Variants in ASXL1 observed in about 807,000 individuals in gnomAD.
ASXL1 encodes polycomb group protein ASXL1.
ASXL1 carries 65 observed loss-of-function variants against 89.1 expected under a neutral mutation model. That is an observed-to-expected ratio of 0.73 (90% CI 0.60 to 0.90). ASXL1 has a LOEUF of 0.90. Ranked by LOEUF, ASXL1 falls within the 40% of genes least tolerant of loss-of-function variation. The pLI, the probability that ASXL1 is intolerant of heterozygous loss-of-function variation, is 0.00. For missense variants in ASXL1, 1,786 were observed against 1,942.9 expected, an observed-to-expected ratio of 0.92 and a Z score of 1.52; for synonymous variants, 739 against 746.9, an observed-to-expected ratio of 0.99 and a Z score of 0.17.
Position 32,434,468 on chromosome 20 carries a change from A to G in ASXL1, c.1756A>G (p.Lys586Glu). 1 of 1,614,064 alleles carries G rather than the reference A, an allele frequency of 6.2e-7. No individual in the cohort carries two copies. Among genetic ancestry groups the G allele is most frequent in the South Asian group, 1.1e-5 (1 of 91,074 alleles). Residue 586 changes from lysine (K) to glutamate (E), a missense_variant, in exon 13 of 13, where the codon AAA becomes GAA. Transcript: ENST00000375687. ...ACGTATCAAACCACCCTGGGTGGTTAAAGGTCAGCCCACTTACCAGATATG... is the reference window on the plus strand; with the variant it reads ...ACGTATCAAACCACCCTGGGTGGTTGAAGGTCAGCCCACTTACCAGATATG... The part of the protein sequence containing the change: ...LSRIKPPWVV[K>E]GQPTYQICPR...
chr20:32,428,134 G>T lies in ASXL1; in HGVS notation c.259G>T (p.Ala87Ser), dbSNP rs764542386. Residue 87 changes from alanine to serine, a missense_variant, in exon 5 of 13, where the codon GCC becomes TCC. Physicochemically the swap from Ala to Ser is moderately conservative, Grantham distance 99. Around this residue, in one of 3 missense-constraint regions of ASXL1, gnomAD observed 332 missense variants for 449.7 expected, o/e 0.74. Coordinates refer to ENST00000375687, the MANE Select transcript of ASXL1 (RefSeq NM_015338.6). ...RISLFTLKKDALQWSRHPATV... is the reference protein window; with the variant it reads ...RISLFTLKKDSLQWSRHPATV... ...TTGTACCTTGCTGTCACAGAAGGAT[G>T]CCCTGCAGTGGTCTCGCCATCCAGC... 1.9e-6 allele frequency: 3 copies of T among 1,613,242 alleles called. No homozygotes were observed. The highest frequency in any genetic ancestry group is 1.8e-4 in the Middle Eastern group (1 of 5,438).
At chr20:32,375,747 A>T (rs1160168983) in intron 4 of ASXL1, among the ~76,000 whole-genome samples, 1 of 151,678 alleles carries the variant, frequency 6.6e-6, no homozygotes, top group African/African-American at 2.4e-5. Context: ...CAGTGGCATG[A>T]TCACGGCTTA....
intron 4 of ASXL1, among the ~76,000 whole-genome samples, chr20:32,382,608 CAA>C (rs11347237): frequency 1.5e-4 from 14 of 95,974 alleles, no homozygotes; most frequent in South Asian, 6.2e-4. Flanking sequence ...CTCGTCTCTA[CAA>C]AAAAAAAAAA....
At chr20:32,410,231 A>G (rs2049020606) in intron 4 of ASXL1, among the ~76,000 whole-genome samples, 1 of 152,196 alleles carries the variant, frequency 6.6e-6, no homozygotes, top group African/African-American at 2.4e-5. Context: ...GAAATTACAG[A>G]TAGTCCCAAG....
At position 32,437,123 on chromosome 20, in the gene ASXL1, G is replaced by A. The variant is rs779516123; in HGVS notation, c.4411G>A (p.Val1471Met). The A allele has an allele frequency of 6.8e-6, 11 of 1,614,172 alleles. No individual in the cohort carries two copies. The highest frequency in any genetic ancestry group is 3.3e-4 in the Middle Eastern group (2 of 6,062). ...PTFPKGLAGS[V>M]VQLSHKANFG... Reference sequence around the variant, plus strand: ...CTTTCCCAAAGGCCTTGCTGGAAGTGTGGTGCAGCTGAGCCACAAAGCAAA... The same window carrying A: ...CTTTCCCAAAGGCCTTGCTGGAAGTATGGTGCAGCTGAGCCACAAAGCAAA... Residue 1471 changes from valine to methionine, a missense_variant, in exon 13 of 13, where the codon GTG (valine) becomes ATG (methionine). Physicochemically the swap from Val to Met is conservative, Grantham distance 21. This residue lies in a region of ASXL1 where 1,418 missense variants were observed against 1,427.8 expected (regional missense o/e 0.99). Coordinates refer to ENST00000375687, the MANE Select transcript of ASXL1 (RefSeq NM_015338.6).
At chr20:32,401,472 T>G (rs1454193760) in intron 4 of ASXL1, among the ~76,000 whole-genome samples, 1 of 151,864 alleles carries the variant, frequency 6.6e-6, no homozygotes, top group Non-Finnish European at 1.5e-5. Context: ...GGTGATATGT[T>G]CTAAGACCCC....
chr20:32,392,275 T>C (rs2122997249), intron 4 of ASXL1, among the ~76,000 whole-genome samples: 1 of 148,646 alleles, frequency 6.7e-6, no homozygotes, highest in East Asian at 2.0e-4. Flanking sequence ...CCACCAAGCC[T>C]AGCTGATTTT....
chr20:32,433,091 G>A, intron 11 of ASXL1, 106 bp downstream of exon 11: 1 of 1,555,916 alleles, frequency 6.4e-7, no homozygotes, highest in Non-Finnish European at 8.7e-7. Context: ...TGTGGAGATT[G>A]CAGTGACACT....
intron 8 of ASXL1, chr20:32,431,072 T>A (rs997943314): frequency 4.7e-5 from 31 of 660,156 alleles, no homozygotes; most frequent in Non-Finnish European, 8.6e-5. Context: ...AGTGTCCTTT[T>A]CAGGCTGTGA....
At chr20:32,424,697 A>G (rs933118523) in intron 4 of ASXL1, among the ~76,000 whole-genome samples, 1 of 152,214 alleles carries the variant, frequency 6.6e-6, no homozygotes, top group East Asian at 1.9e-4. Context: ...AAGCTTGTGT[A>G]TCATCGTTTC....
At chr20:32,359,053 C>T (rs989927247) in intron 1 of ASXL1, 9 of 609,584 alleles carry the variant, frequency 1.5e-5, no homozygotes, top group Non-Finnish European at 2.3e-5. Flanking sequence ...GCCCCCCCCG[C>T]CCCGCGCAGC....
intron 4 of ASXL1, among the ~76,000 whole-genome samples, chr20:32,413,166 C>T (rs927628706): frequency 2.4e-4 from 36 of 152,118 alleles, no homozygotes; most frequent in African/African-American, 8.4e-4. Flanking sequence ...CTCTGAGGCA[C>T]GCAGATTTTG....
rs552135913 is a variant in ASXL1 at position 32,383,468 on chromosome 20, G to A, written c.252+14345G>A. Among the ~76,000 whole-genome samples the A allele has an allele frequency of 2.0e-4, 31 of 152,028 alleles. No individual in the cohort carries two copies. In the South Asian group the frequency reaches 2.7e-3, roughly 13 times the overall value. ...ACTATAGGCGCCCGCCACCATGCCCGGCTAATTTTTTTGTATTTTTAATAG... is the reference window on the plus strand; with the variant it reads ...ACTATAGGCGCCCGCCACCATGCCCAGCTAATTTTTTTGTATTTTTAATAG... On this transcript the variant is annotated intron_variant, in intron 4 of 12. Transcript: ENST00000375687.
intron 1 of ASXL1, among the ~76,000 whole-genome samples, chr20:32,364,112 C>CTCTA (rs1260069387): frequency 6.6e-6 from 1 of 152,198 alleles, no homozygotes; most frequent in Non-Finnish European, 1.5e-5. Context: ...TTGAATCTAA[C>CTCTA]TCTAGATCCT....
intron 4 of ASXL1, among the ~76,000 whole-genome samples, chr20:32,382,795 G>T (rs2048511997): frequency 6.6e-6 from 1 of 151,836 alleles, no homozygotes; most frequent in Admixed American, 6.6e-5. Flanking sequence ...CAAAAAAAAT[G>T]AATTTTTGCA....
rs1406270714 is a variant in ASXL1 at position 32,363,017 on chromosome 20, C to G, written c.58-3367C>G. ...GTTCTTACATCAAACATTTTTTTCC[C>G]CTTTGAAGTAAGAGAAGAGATACTT... On this transcript the variant is annotated intron_variant, in intron 1 of 12. Coordinates refer to ENST00000375687, the MANE Select transcript of ASXL1 (RefSeq NM_015338.6). 5.3e-5 allele frequency among the ~76,000 whole-genome samples: 8 copies of G among 151,668 alleles called. No homozygotes were observed. The East Asian group carries it at 1.3e-3, about 26-fold the overall frequency.
At chr20:32,366,703 T>G (rs1435924202) in intron 2 of ASXL1, among the ~76,000 whole-genome samples, 1 of 152,166 alleles carries the variant, frequency 6.6e-6, no homozygotes, top group African/African-American at 2.4e-5. Flanking sequence ...TGTTCTTCCT[T>G]AAATCTTGGC....
intron 4 of ASXL1, among the ~76,000 whole-genome samples, chr20:32,411,312 C>T (rs978738283): frequency 7.3e-5 from 10 of 137,052 alleles, no homozygotes; most frequent in Admixed American, 5.8e-4. Context: ...ACTGCAACCT[C>T]TGTCTCCTGG....
chr20:32,381,032 A>T (rs759390975), intron 4 of ASXL1, among the ~76,000 whole-genome samples: 2 of 152,100 alleles, frequency 1.3e-5, no homozygotes, highest in South Asian at 2.1e-4. Context: ...CTGGCCTTCA[A>T]CCTATTTCTC....
Sources: gnomAD v4.1 joint callset for allele counts (sites outside exome capture counted in the v4.1 genomes callset) on GRCh38, gnomAD v4.1.1 for gene constraint, gnomAD v4.1.1 regional missense constraint, MANE v1.5 for transcripts, NCBI Gene and HGNC (gene_info 2026-07-23, HGNC 2026-07-21) for gene names.